Variants in VWA3B observed in about 807,000 individuals in gnomAD.
The protein encoded by VWA3B is von Willebrand factor A domain-containing protein 3B.
A neutral mutation model predicts 158.3 loss-of-function variants in VWA3B; 138 were observed. The ratio of observed to expected loss-of-function variants is 0.87; its 90% CI spans 0.76 to 1.00. The LOEUF (loss-of-function observed/expected upper bound fraction) is 1.00, where lower values mean the gene tolerates loss of function less well. Among genes scored for constraint, VWA3B ranks in the 50% least tolerant of loss-of-function variants. The probability of loss-of-function intolerance (pLI) is 0.00; values close to 1 mark genes in which losing one functional copy is unlikely to be tolerated. For missense variants in VWA3B, 1,555 were observed against 1,565.1 expected (o/e 0.99, Z 0.11); for synonymous variants, 596 against 587.3 (o/e 1.01, Z -0.21).
chr2:98,101,846 T>G (rs1457951497), intron 2 of VWA3B, among the ~76,000 whole-genome samples: 3 of 151,744 alleles, frequency 2.0e-5, no homozygotes, highest in Non-Finnish European at 4.4e-5. Context: ...TTTTGCATGT[T>G]TATATTTTTT....
chr2:98,321,171 AGAACT>A, the VWA3B span, among the ~76,000 whole-genome samples: 8 of 152,258 alleles, frequency 5.3e-5, no homozygotes, highest in Non-Finnish European at 1.0e-4. Flanking sequence ...AAAGAAGTCA[AGAACT>A]GAAGTTTTGG....
In VWA3B at chr2:98,187,429, A is replaced by G. The variant is rs375151204; in HGVS notation, c.1312-546A>G. On this transcript the variant is annotated intron_variant, in intron 9 of 27. Transcript: ENST00000477737. ...GAGGAGGGCTCGCTCCGTCTGTCTC[A>G]GTGGAGGGCGCTAGATGTGCAGTGG... 3.4e-4 allele frequency among the ~76,000 whole-genome samples: 52 copies of G among 151,794 alleles called. No homozygotes were observed. The East Asian group carries it at 5.8e-3, about 17-fold the overall frequency.
chr2:98,109,565 A>G (rs1673968603), intron 2 of VWA3B, among the ~76,000 whole-genome samples: 2 of 152,176 alleles, frequency 1.3e-5, no homozygotes, highest in Non-Finnish European at 2.9e-5. Context: ...AAGGAGAAGG[A>G]CTGTCTATTT....
chr2:98,245,464 G>T lies in VWA3B; in HGVS notation c.2674-4854G>T, dbSNP rs184503760. ...ACTAAGATGTCAGACTCGAAGTGTG[G>T]GGTATGACTTTATCTTTCCCTGGAT... On this transcript the variant is annotated intron_variant, in intron 19 of 27. Transcript: ENST00000477737. 9.1e-5 allele frequency: 40 copies of T among 441,370 alleles called. 1 individual carries two copies. Among genetic ancestry groups the T allele is most frequent in the African/African-American group, 7.1e-4 (35 of 49,566 alleles). 27.3% of individuals were successfully genotyped at this position (441,370 alleles called of 1,614,324 possible).
intron 22 of VWA3B, among the ~76,000 whole-genome samples, chr2:98,281,104 GT>G (rs1397929524): frequency 1.3e-5 from 2 of 152,182 alleles, no homozygotes; most frequent in Non-Finnish European, 2.9e-5. Context: ...CTATTTTCCT[GT>G]AAGCTCTTTT....
chr2:98,287,065 G>A (rs962808760), intron 22 of VWA3B, among the ~76,000 whole-genome samples: 3 of 152,154 alleles, frequency 2.0e-5, no homozygotes, highest in African/African-American at 7.2e-5. Flanking sequence ...TTGCTGCACT[G>A]CCACAGGATT....
At chr2:98,305,129 C>T (rs1434692599) in intron 26 of VWA3B, among the ~76,000 whole-genome samples, 1 of 152,172 alleles carries the variant, frequency 6.6e-6, no homozygotes, top group Non-Finnish European at 1.5e-5. Context: ...CCTAAACCCT[C>T]CTCTTGAGGC....
At chr2:98,121,816 C>T in intron 5 of VWA3B, 1 of 203,476 alleles carries the variant, frequency 4.9e-6, no homozygotes, top group Non-Finnish European at 1.0e-5. Context: ...TTCACTCTTG[C>T]TCTCCTACCA....
At chr2:98,224,663 T>C (rs1684771861) in intron 14 of VWA3B, among the ~76,000 whole-genome samples, 1 of 151,722 alleles carries the variant, frequency 6.6e-6, no homozygotes, top group African/African-American at 2.4e-5. Context: ...AACCATAAAA[T>C]ACTGGAAGTA....
chr2:98,286,237 G>T (rs1689160191), intron 22 of VWA3B, among the ~76,000 whole-genome samples: 1 of 152,058 alleles, frequency 6.6e-6, no homozygotes, highest in South Asian at 2.1e-4. Context: ...AGTTTTACTT[G>T]TTCCAATCTG....
intron 2 of VWA3B, among the ~76,000 whole-genome samples, chr2:98,097,667 T>C (rs1206346395): frequency 6.6e-6 from 1 of 152,218 alleles, no homozygotes; most frequent in Non-Finnish European, 1.5e-5. Flanking sequence ...TGTAGTTCTT[T>C]AAGAAATCTC....
intron 13 of VWA3B, among the ~76,000 whole-genome samples, chr2:98,216,370 T>G (rs150041076): frequency 6.6e-6 from 1 of 152,378 alleles, no homozygotes; most frequent in Non-Finnish European, 1.5e-5. Context: ...AGTTATGGGC[T>G]GGTCTGGACT....
chr2:98,288,060 T>C (rs1689266146), intron 22 of VWA3B, among the ~76,000 whole-genome samples: 1 of 152,236 alleles, frequency 6.6e-6, no homozygotes, highest in African/African-American at 2.4e-5. Context: ...TAGACTATGG[T>C]TATAATTGCT....
chr2:98,309,175 A>G (rs186356093), intron 26 of VWA3B, among the ~76,000 whole-genome samples: 220 of 152,082 alleles, frequency 1.4e-3, no homozygotes, highest in African/African-American at 4.8e-3. Flanking sequence ...GTCAAAAAAA[A>G]AAAAAAGAAA....
chr2:98,167,730 C>T (rs911667673), intron 8 of VWA3B, among the ~76,000 whole-genome samples: 4 of 152,138 alleles, frequency 2.6e-5, no homozygotes, highest in African/African-American at 9.7e-5. Flanking sequence ...AGAAGGTTAT[C>T]TGAGTCTGGG....
chr2:98,129,316 G>A (rs1157064175), intron 6 of VWA3B, among the ~76,000 whole-genome samples: 1 of 151,352 alleles, frequency 6.6e-6, no homozygotes, highest in African/African-American at 2.4e-5. Context: ...GAGACATTGT[G>A]TGTGTGTGGA....
chr2:98,248,722 C>T (rs1686557269), intron 19 of VWA3B, among the ~76,000 whole-genome samples: 1 of 152,166 alleles, frequency 6.6e-6, no homozygotes, highest in South Asian at 2.1e-4. Flanking sequence ...AACAAGCCTA[C>T]AGCTTCAACA....
At chr2:98,270,403 ATAC>A (rs1688123357) in intron 21 of VWA3B, among the ~76,000 whole-genome samples, 1 of 152,238 alleles carries the variant, frequency 6.6e-6, no homozygotes, top group South Asian at 2.1e-4. Context: ...TATGTGTATC[ATAC>A]TTCTTTAAAA....
chr2:98,104,035 A>ATTC (rs1683256699), intron 2 of VWA3B, among the ~76,000 whole-genome samples: 1 of 152,280 alleles, frequency 6.6e-6, no homozygotes, highest in African/African-American at 2.4e-5. Flanking sequence ...TAGCTTTCTT[A>ATTC]TTAAGTTTTA....
Sources: allele counts gnomAD v4.1 joint callset (sites outside exome capture counted in the v4.1 genomes callset), GRCh38; gene constraint gnomAD v4.1.1; transcripts MANE v1.5; gene names NCBI Gene and HGNC (gene_info 2026-07-23, HGNC 2026-07-21).